GRIN2B: variants seen among roughly 807,000 people sequenced by gnomAD.
The protein encoded by GRIN2B is glutamate receptor ionotropic, NMDA 2B.
Under a neutral mutation model 114.5 loss-of-function variants are expected in GRIN2B, and 5 were observed. The ratio of observed to expected loss-of-function variants is 0.04; its 90% CI spans 0.02 to 0.09. GRIN2B has a LOEUF of 0.09. GRIN2B is among the 10% of genes least tolerant of loss of function. The pLI, the probability that GRIN2B is intolerant of heterozygous loss-of-function variation, is 1.00. For missense variants in GRIN2B, 1,108 were observed against 1,943.5 expected (o/e 0.57, Z 8.08); for synonymous variants, 787 against 745.1 (o/e 1.06, Z -0.92).
At chr12:13,703,113 G>A (rs1208975551) in intron 4 of GRIN2B, among the ~76,000 whole-genome samples, 1 of 152,144 alleles carries the variant, frequency 6.6e-6, no homozygotes, top group South Asian at 2.1e-4. Flanking sequence ...TGCTCCCAGG[G>A]ATACTTGTTT....
intron 2 of GRIN2B, among the ~76,000 whole-genome samples, chr12:13,926,752 G>T (rs1254256458): frequency 6.6e-6 from 1 of 152,202 alleles, no homozygotes; most frequent in African/African-American, 2.4e-5. Context: ...AGGAGATCGA[G>T]ACCATCCTGG....
intron 3 of GRIN2B, among the ~76,000 whole-genome samples, chr12:13,827,229 C>CTTTTTTTTTTTTTTTTTT (rs57007962): frequency 1.4e-3 from 135 of 98,382 alleles, no homozygotes; most frequent in Middle Eastern, 0.012. Flanking sequence ...TTGTTGTTTT[C>CTTTTTTTTTTTTTTTTTT]TTTTTTTTTT....
rs141116114 is a variant in GRIN2B at position 13,717,594 on chromosome 12, G to A, written c.1010+35723C>T. ...CCGAGTAGGCATTCAGTAAATATTT[G>A]TTGAATGATAATGCAGTAGACGCGC... is the stretch of plus-strand genomic sequence containing the variant. On this transcript the variant is annotated intron_variant, in intron 4 of 13. Coordinates refer to ENST00000609686, the MANE Select transcript of GRIN2B (RefSeq NM_000834.5). Among the ~76,000 whole-genome samples the A allele has an allele frequency of 4.6e-5, 7 of 152,066 alleles. No homozygotes were observed. The East Asian group carries it at 1.4e-3, about 30-fold the overall frequency.
Position 13,615,568 on chromosome 12 carries a change from G to C in GRIN2B, c.1425C>G (p.Thr475=), listed in dbSNP as rs767259659. The stretch of plus-strand genomic sequence containing the variant: ...CATTGGTAACCAGGTAAAGGTCATA[G>C]GTGAACTTCACAGATTTAGAAATTT... The part of the protein sequence containing the change: ...LKKISKSVKF[T]YDLYLVTNGK... The change falls in exon 7 of 14, where the codon ACC becomes ACG. Residue 475 remains threonine, a synonymous_variant. Transcript: ENST00000609686. The surrounding 1 kb of genome is among the most constrained non-coding windows in gnomAD (Gnocchi z 5.8). The C allele has an allele frequency of 2.5e-6, 4 of 1,611,614 alleles. No individual in the cohort carries two copies. Among genetic ancestry groups the C allele is most frequent in the Non-Finnish European group, 2.5e-6 (3 of 1,177,718 alleles).
At chr12:13,727,598 T>A (rs1863014604) in intron 4 of GRIN2B, among the ~76,000 whole-genome samples, 1 of 152,142 alleles carries the variant, frequency 6.6e-6, no homozygotes, top group African/African-American at 2.4e-5. Context: ...AATATATAAA[T>A]CCCGTTATTA....
intron 3 of GRIN2B, among the ~76,000 whole-genome samples, chr12:13,831,843 T>C (rs1156312919): frequency 6.6e-6 from 1 of 152,202 alleles, no homozygotes; most frequent in East Asian, 1.9e-4. Context: ...GAGAAACAAA[T>C]CAGCAGGCCC....
chr12:13,843,693 T>C (rs1865425187), intron 3 of GRIN2B, among the ~76,000 whole-genome samples: 1 of 152,228 alleles, frequency 6.6e-6, no homozygotes, highest in Non-Finnish European at 1.5e-5. Context: ...TTATTATGTC[T>C]GTTTTTGAAA....
chr12:13,769,400 T>C (rs1320373890), intron 3 of GRIN2B, among the ~76,000 whole-genome samples: 1 of 152,176 alleles, frequency 6.6e-6, no homozygotes, highest in Non-Finnish European at 1.5e-5. Context: ...TCAAGATGGA[T>C]GGCAAGCTCA....
chr12:13,737,223 T>C (rs1413845856), intron 4 of GRIN2B, among the ~76,000 whole-genome samples: 1 of 151,832 alleles, frequency 6.6e-6, no homozygotes, highest in Non-Finnish European at 1.5e-5. Flanking sequence ...TTTTTTTTCT[T>C]TTTTTTGAGA....
In GRIN2B at chr12:13,548,673, CCT is replaced by C. The variant is rs1209729238; in HGVS notation, c.*14108_*14109del. ...AGTCAAGGTAGAAATAGCTACTGCC[CCT>C]CTCTCTTAGCTTACTATGATAACAC... On this transcript the variant is annotated 3_prime_UTR_variant, in exon 14 of 14. Transcript: ENST00000609686. 1 of 151,932 alleles carries C rather than the reference CCT, an allele frequency of 6.6e-6. No homozygotes were observed. Among genetic ancestry groups the C allele is most frequent in the Non-Finnish European group, 1.5e-5 (1 of 67,974 alleles). The allele number at this position is 151,932 out of a possible 1,614,324, so 9.4% of individuals were successfully genotyped here.
chr12:13,743,299 A>G (rs1863317007), intron 4 of GRIN2B, among the ~76,000 whole-genome samples: 1 of 152,148 alleles, frequency 6.6e-6, no homozygotes, highest in Non-Finnish European at 1.5e-5. Flanking sequence ...TTCTAGATAC[A>G]TCAGGTTGTT....
chr12:13,803,054 A>C (rs1864544855), intron 3 of GRIN2B, among the ~76,000 whole-genome samples: 1 of 152,136 alleles, frequency 6.6e-6, no homozygotes, highest in African/African-American at 2.4e-5. Context: ...CTCTATGATT[A>C]TCCACTTCCA....
chr12:13,646,899 T>C (rs1389447551), intron 5 of GRIN2B, among the ~76,000 whole-genome samples: 1 of 152,100 alleles, frequency 6.6e-6, no homozygotes, highest in African/African-American at 2.4e-5. Flanking sequence ...CAGCCATTTG[T>C]CAACTACCTA....
intron 3 of GRIN2B, among the ~76,000 whole-genome samples, chr12:13,793,323 A>G (rs1432616083): frequency 1.3e-5 from 2 of 152,200 alleles, no homozygotes; most frequent in Non-Finnish European, 2.9e-5. Context: ...CGGGAGGCTG[A>G]AGCTTGAGAA....
chr12:13,821,202 A>T (rs74067110), intron 3 of GRIN2B, among the ~76,000 whole-genome samples: 1 of 152,010 alleles, frequency 6.6e-6, no homozygotes, highest in African/African-American at 2.4e-5. Context: ...GAAAAACTCA[A>T]GTATTTTTCA....
intron 10 of GRIN2B, among the ~76,000 whole-genome samples, chr12:13,572,447 T>G (rs1948719253): frequency 6.6e-6 from 1 of 152,210 alleles, no homozygotes; most frequent in Non-Finnish European, 1.5e-5. Flanking sequence ...GAAGATAATT[T>G]GTTGAGTATC....
At chr12:13,941,419 G>A (rs1251221443) in intron 2 of GRIN2B, among the ~76,000 whole-genome samples, 1 of 152,194 alleles carries the variant, frequency 6.6e-6, no homozygotes, top group Admixed American at 6.5e-5. Flanking sequence ...CTGCTGTGAA[G>A]ATGGACAAAG....
At chr12:13,923,662 C>G (rs375499237) in intron 2 of GRIN2B, among the ~76,000 whole-genome samples, 56 of 152,308 alleles carry the variant, frequency 3.7e-4, no homozygotes, top group African/African-American at 1.1e-3. Flanking sequence ...TCACAATACA[C>G]TTGCTGTTTT....
chr12:13,583,740 G>A (rs1032009840), intron 10 of GRIN2B, among the ~76,000 whole-genome samples: 1 of 152,114 alleles, frequency 6.6e-6, no homozygotes, highest in African/African-American at 2.4e-5. Flanking sequence ...TGGGGCAAGC[G>A]AAATAGCATG....
Sources: allele counts gnomAD v4.1 joint callset (sites outside exome capture counted in the v4.1 genomes callset), GRCh38; gene constraint gnomAD v4.1.1; non-coding constraint Gnocchi (gnomAD v3.1); transcripts MANE v1.5; gene names NCBI Gene and HGNC (gene_info 2026-07-23, HGNC 2026-07-21).